MRC2: variants seen among roughly 807,000 people sequenced by gnomAD.
MRC2 encodes C-type mannose receptor 2.
In MRC2, 84 loss-of-function variants were observed where a neutral mutation model predicts 206.2. That is an observed-to-expected ratio of 0.41 (90% CI 0.34 to 0.49). The LOEUF (loss-of-function observed/expected upper bound fraction) is 0.49. Ranked by LOEUF, MRC2 falls within the 20% of genes least tolerant of loss-of-function variation. The pLI is 0.31. For synonymous variants in MRC2, 798 were observed against 800.0 expected (o/e 1.00, Z 0.04); for missense variants, 1,676 against 2,001.5 (o/e 0.84, Z 3.10).
intron 1 of MRC2, among the ~76,000 whole-genome samples, chr17:62,643,393 C>T (rs986700801): frequency 6.6e-6 from 1 of 150,942 alleles, no homozygotes; most frequent in African/African-American, 2.4e-5. Context: ...AGACACAACT[C>T]ATCTGTGCTG....
Position 62,667,523 on chromosome 17 carries a change from C to T in MRC2, c.1107C>T (p.Pro369=), listed in dbSNP as rs1377020255. 3.1e-6 allele frequency: 5 copies of T among 1,610,394 alleles called. No individual in the cohort carries two copies. The highest frequency in any genetic ancestry group is 1.3e-5 in the African/African-American group (1 of 74,812). The change falls in exon 6 of 30, where the codon CCC becomes CCT. Residue 369 remains proline, a synonymous_variant. Transcript: ENST00000303375. This position sits in a 1 kb window ranked among gnomAD's most constrained non-coding sequence, Gnocchi z 4.1. Reference sequence around the variant, plus strand: ...AGAAGCCCAACGCCACGGCCGAGCCCACCCCTCCAGGTGAGCCAGGGACTG... The same window carrying T: ...AGAAGCCCAACGCCACGGCCGAGCCTACCCCTCCAGGTGAGCCAGGGACTG... ...CKKKPNATAE[P]TPPDRWANVK... is the part of the protein sequence containing the mutation.
rs761794464 is a variant in MRC2, at chr17:62,681,107, T to G, written c.2680T>G (p.Ser894Ala). Residue 894 changes from serine to alanine, a missense_variant, in exon 18 of 30, where the codon TCT (serine) becomes GCT (alanine). By Grantham distance (99) the Ser-to-Ala change is moderately conservative. This residue lies in a region of MRC2 where 1,354 missense variants were observed against 1,636.6 expected (regional missense o/e 0.83). Transcript: ENST00000303375. ...GCACTGGTGGATCGGCCTGCACACC[T>G]CTGAGAGCGATGGGCGCTTCAGGTA... ...EQHWWIGLHT[S>A]ESDGRFRWTD... The G allele has an allele frequency of 6.8e-6, 11 of 1,613,556 alleles. No homozygotes were observed. Among genetic ancestry groups the G allele is most frequent in the Non-Finnish European group, 8.5e-6 (10 of 1,179,984 alleles).
intron 1 of MRC2, among the ~76,000 whole-genome samples, chr17:62,646,059 C>G (rs1189207679): frequency 1.5e-5 from 2 of 134,844 alleles, no homozygotes. Flanking sequence ...GAGTCTTGCT[C>G]TGTTGCCCAG....
intron 6 of MRC2, among the ~76,000 whole-genome samples, chr17:62,668,125 G>A (rs2088780184): frequency 6.6e-6 from 1 of 152,178 alleles, no homozygotes. Context: ...GGGAGGCCAA[G>A]GCAGGAGGAT....
At chr17:62,651,362 G>T (rs867135183) in intron 1 of MRC2, among the ~76,000 whole-genome samples, 7 of 152,080 alleles carry the variant, frequency 4.6e-5, no homozygotes, top group Non-Finnish European at 7.4e-5. Flanking sequence ...GATTACAGGC[G>T]TGAGCCACTG....
At position 62,692,216 on chromosome 17, in the gene MRC2, C is replaced by T; in HGVS notation, c.4220-15C>T. 3 of 1,612,910 alleles carry T rather than the reference C, an allele frequency of 1.9e-6. No homozygotes were observed. Among genetic ancestry groups the T allele is most frequent in the Non-Finnish European group, 2.5e-6 (3 of 1,179,304 alleles). ...TAACGCCCACTTGGCCTTTCACGCC[C>T]ACTCGCCTTGGCAGCGCTTCCAGAG... On this transcript the variant is annotated splice_polypyrimidine_tract_variant and intron_variant, in intron 29 of 29. Transcript: ENST00000303375. This position sits in a 1 kb window ranked among gnomAD's most constrained non-coding sequence, Gnocchi z 4.2.
Position 62,664,009 on chromosome 17 carries a change from G to T in MRC2, c.119-539G>T, listed in dbSNP as rs1237852060. Among the ~76,000 whole-genome samples the T allele has an allele frequency of 6.8e-6, 1 of 147,902 alleles. No individual in the cohort carries two copies. Among genetic ancestry groups the T allele is most frequent in the Non-Finnish European group, 1.5e-5 (1 of 67,228 alleles). The stretch of plus-strand genomic sequence containing the variant: ...GAGTCTCGCTCTGTCGCCCAGGCTG[G>T]AGTGCAGTGGCGGGATCTCGGCTCA... On this transcript the variant is annotated intron_variant, in intron 1 of 29. Coordinates refer to ENST00000303375, the MANE Select transcript of MRC2 (RefSeq NM_006039.5). The surrounding 1 kb of genome is among the most constrained non-coding windows in gnomAD (Gnocchi z 4.7).
intron 1 of MRC2, among the ~76,000 whole-genome samples, chr17:62,628,956 T>A (rs1322524532): frequency 6.6e-6 from 1 of 152,124 alleles, no homozygotes; most frequent in Non-Finnish European, 1.5e-5. Flanking sequence ...CTGGAGAGTC[T>A]GGGGCCTCCA....
At chr17:62,632,824 G>T (rs372042205) in intron 1 of MRC2, among the ~76,000 whole-genome samples, 1 of 152,214 alleles carries the variant, frequency 6.6e-6, no homozygotes, top group East Asian at 1.9e-4. Flanking sequence ...GAGGGCACAT[G>T]TAGGGAACAC....
chr17:62,691,968 A>G, intron 28 of MRC2, 144 bp from the exon 29 acceptor site: 1 of 1,074,186 alleles, frequency 9.3e-7, no homozygotes, highest in Non-Finnish European at 1.4e-6. Flanking sequence ...CCCCCACAGT[A>G]ACCAGAGGTA....
chr17:62,671,257 A>G lies in MRC2; in HGVS notation c.1118-392A>G, dbSNP rs1337496726. Among the ~76,000 whole-genome samples, 1 of 151,840 alleles carries G rather than the reference A, an allele frequency of 6.6e-6. No individual in the cohort carries two copies. The highest frequency in any genetic ancestry group is 1.9e-4 in the East Asian group (1 of 5,172). ...GGCTAATTTTTTATTTTTTATAGAG[A>G]TGGGGTCTCCCCTTTGTTGCCCAGT... On this transcript the variant is annotated intron_variant, in intron 6 of 29. Transcript: ENST00000303375. This position sits in a 1 kb window ranked among gnomAD's most constrained non-coding sequence, Gnocchi z 4.5.
intron 28 of MRC2, 99 bp downstream of exon 28, chr17:62,691,227 C>G: frequency 7.3e-7 from 1 of 1,377,818 alleles, no homozygotes; most frequent in East Asian, 2.6e-5. Context: ...GGGGCACAGC[C>G]GATGGGAAGG....
chr17:62,683,499 A>C (rs1394272264), intron 20 of MRC2, among the ~76,000 whole-genome samples: 1 of 148,804 alleles, frequency 6.7e-6, no homozygotes, highest in South Asian at 2.1e-4. Flanking sequence ...AAAAAACAAC[A>C]AAAAAAACAC....
intron 1 of MRC2, among the ~76,000 whole-genome samples, chr17:62,635,241 T>G (rs1419962603): frequency 2.0e-5 from 3 of 150,058 alleles, no homozygotes; most frequent in African/African-American, 7.4e-5. Flanking sequence ...GAGGCATTAC[T>G]TCTTCGTGAC....
At chr17:62,689,292 G>C (rs1461041178) in intron 23 of MRC2, 9 of 578,310 alleles carry the variant, frequency 1.6e-5, no homozygotes, top group Non-Finnish European at 2.4e-5. Flanking sequence ...CTCTGCGCCG[G>C]GTTCCTTGGG....
In MRC2 at chr17:62,680,738, T is replaced by C; in HGVS notation, c.2474-62T>C. On this transcript the variant is annotated intron_variant, in intron 16 of 29. Coordinates refer to ENST00000303375, the MANE Select transcript of MRC2 (RefSeq NM_006039.5). This position sits in a 1 kb window ranked among gnomAD's most constrained non-coding sequence, Gnocchi z 4.8. ...CTGCCCCGGCCCTGCCGCGCCCGCC[T>C]CCGGGGCCTGGCGTGCAGCCTCTGC... 2 of 1,430,808 alleles carry C rather than the reference T, an allele frequency of 1.4e-6. No homozygotes were observed. The highest frequency in any genetic ancestry group is 3.0e-5 in the South Asian group (2 of 65,738). 88.6% of individuals were successfully genotyped at this position (1,430,808 alleles called of 1,614,324 possible). A position where few individuals can be genotyped will look rare whatever the true frequency, so the allele number is the denominator to read the frequency against.
Position 62,691,256 on chromosome 17 carries a change from C to T in MRC2, c.4192+128C>T, listed in dbSNP as rs187321497. ...GGGAAGGCCTGAACAGAACGGACTG[C>T]GGGCAGCTGGGACCCCCGGGATAAA... On this transcript the variant is annotated intron_variant, in intron 28 of 29. Transcript: ENST00000303375. 6.9e-4 allele frequency: 766 copies of T among 1,112,590 alleles called. 3 individuals carry two copies. The African/African-American group carries it at 0.011, about 16-fold the overall frequency. The allele number at this position is 1,112,590 out of a possible 1,614,324, so 68.9% of individuals were successfully genotyped here.
rs767149208 is a variant in MRC2 at position 62,692,247 on chromosome 17, A to G, written c.4236A>G (p.Pro1412=). The part of the protein sequence containing the change: ...SFSPSALPEN[P]AALVVVLMAV... ...CCTTGGCAGCGCTTCCAGAGAACCC[A>G]GCGGCCCTGGTGGTGGTGCTGATGG... is the stretch of plus-strand genomic sequence containing the variant. Residue 1412 remains proline (P), a synonymous_variant, in exon 30 of 30, where the codon CCA becomes CCG. Transcript: ENST00000303375. The surrounding 1 kb of genome is among the most constrained non-coding windows in gnomAD (Gnocchi z 4.2). 6.2e-6 allele frequency: 10 copies of G among 1,610,392 alleles called. No individual in the cohort carries two copies. The highest frequency in any genetic ancestry group is 8.5e-6 in the Non-Finnish European group (10 of 1,178,118).
At chr17:62,670,385 G>A (rs1414604359) in intron 6 of MRC2, among the ~76,000 whole-genome samples, 1 of 152,228 alleles carries the variant, frequency 6.6e-6, no homozygotes, top group Non-Finnish European at 1.5e-5. Flanking sequence ...CAGGTCCTGA[G>A]CCAGAGAGCG....
Sources: gnomAD v4.1 joint callset for allele counts (sites outside exome capture counted in the v4.1 genomes callset) on GRCh38, gnomAD v4.1.1 for gene constraint, gnomAD v4.1.1 regional missense constraint, Gnocchi (gnomAD v3.1) non-coding constraint, MANE v1.5 for transcripts, NCBI Gene and HGNC (gene_info 2026-07-23, HGNC 2026-07-21) for gene names.